Variants in RSRC1 observed in about 807,000 individuals in gnomAD.
The protein encoded by RSRC1 is serine/Arginine-related protein 53.
RSRC1 carries 39 observed loss-of-function variants against 49.1 expected under a neutral mutation model. The ratio of observed to expected loss-of-function variants is 0.79; its 90% CI spans 0.61 to 1.04. The LOEUF (loss-of-function observed/expected upper bound fraction) is 1.04, where lower values mean the gene tolerates loss of function less well. Among genes scored for constraint, RSRC1 ranks in the 50% least tolerant of loss-of-function variants. The pLI, the probability that RSRC1 is intolerant of heterozygous loss-of-function variation, is 0.00. For missense variants in RSRC1, 388 were observed against 402.4 expected (o/e 0.96, Z 0.31); for synonymous variants, 143 against 130.8 (o/e 1.09, Z -0.63).
chr3:158,311,509 A>G (rs1253125186), intron 5 of RSRC1, among the ~76,000 whole-genome samples: 6 of 151,972 alleles, frequency 3.9e-5, no homozygotes, highest in Admixed American at 3.9e-4. Context: ...AAACTGACAC[A>G]GAGAAAATTG....
At chr3:158,487,964 A>AAAAAAAAC (rs1738896459) in intron 7 of RSRC1, among the ~76,000 whole-genome samples, 1 of 148,152 alleles carries the variant, frequency 6.7e-6, no homozygotes, top group African/African-American at 2.5e-5. Context: ...AAAAAAAAAA[A>AAAAAAAAC]AAAAAAAAAA....
chr3:158,314,357 T>TGCTGGGA (rs1728296407), intron 5 of RSRC1, among the ~76,000 whole-genome samples: 3 of 151,854 alleles, frequency 2.0e-5, no homozygotes, highest in Non-Finnish European at 4.4e-5. Context: ...CCTCCCAGAG[T>TGCTGGGA]GCTGGGATTA....
intron 5 of RSRC1, among the ~76,000 whole-genome samples, chr3:158,354,530 T>C (rs2108238853): frequency 6.6e-6 from 1 of 152,338 alleles, no homozygotes; most frequent in Non-Finnish European, 1.5e-5. Context: ...CCTGTTTCTA[T>C]GTGCAAAGAA....
intron 6 of RSRC1, among the ~76,000 whole-genome samples, chr3:158,427,644 T>C (rs1401010539): frequency 1.3e-5 from 2 of 151,848 alleles, no homozygotes; most frequent in Non-Finnish European, 2.9e-5. Context: ...GGAAATTTAG[T>C]GTATATGAAT....
chr3:158,193,483 C>T (rs749906990), intron 3 of RSRC1, among the ~76,000 whole-genome samples: 1 of 151,964 alleles, frequency 6.6e-6, no homozygotes, highest in African/African-American at 2.4e-5. Flanking sequence ...TCTTTTGTTA[C>T]TCTGTATTTT....
At chr3:158,537,660 G>A (rs1203822779) in intron 8 of RSRC1, among the ~76,000 whole-genome samples, 1 of 151,612 alleles carries the variant, frequency 6.6e-6, no homozygotes, top group Non-Finnish European at 1.5e-5. Flanking sequence ...TGGTAAAGGA[G>A]CTTTGATTGA....
intron 1 of RSRC1, among the ~76,000 whole-genome samples, chr3:158,121,361 A>C (rs915315435): frequency 5.3e-5 from 8 of 152,048 alleles, no homozygotes; most frequent in African/African-American, 1.9e-4. Context: ...TATAGATATA[A>C]TATCTATTAT....
chr3:158,540,739 A>G (rs986122461), intron 8 of RSRC1, among the ~76,000 whole-genome samples: 1 of 152,094 alleles, frequency 6.6e-6, no homozygotes, highest in Non-Finnish European at 1.5e-5. Flanking sequence ...TTTTGCATTT[A>G]TCTAGTCCAG....
intron 5 of RSRC1, among the ~76,000 whole-genome samples, chr3:158,314,289 C>T (rs182514322): frequency 6.4e-4 from 97 of 152,194 alleles, no homozygotes; most frequent in African/African-American, 2.0e-3. Flanking sequence ...GACAGGGTTT[C>T]GCCATGTTGG....
chr3:158,398,948 T>C (rs1380815775), intron 6 of RSRC1, among the ~76,000 whole-genome samples: 1 of 151,958 alleles, frequency 6.6e-6, no homozygotes, highest in African/African-American at 2.4e-5. Context: ...TTTTTAAAAT[T>C]GCTACATATA....
At chr3:158,204,824 T>C (rs927894557) in intron 4 of RSRC1, among the ~76,000 whole-genome samples, 5 of 152,172 alleles carry the variant, frequency 3.3e-5, no homozygotes, top group Non-Finnish European at 5.9e-5. Flanking sequence ...CAAAGTTTAC[T>C]TTTTTAGAAT....
At chr3:158,469,032 C>T (rs1434982923) in intron 7 of RSRC1, among the ~76,000 whole-genome samples, 1 of 151,990 alleles carries the variant, frequency 6.6e-6, no homozygotes, top group African/African-American at 2.4e-5. Flanking sequence ...TCTTGTGTGT[C>T]CATTTCATTA....
At chr3:158,487,949 G>GGA (rs1553814781) in intron 7 of RSRC1, among the ~76,000 whole-genome samples, 13 of 28,920 alleles carry the variant, frequency 4.5e-4, no homozygotes, top group South Asian at 2.2e-3. Flanking sequence ...TCCATCTCAA[G>GGA]AAAAAAAAAA....
chr3:158,296,119 A>C (rs1727224638), intron 4 of RSRC1, among the ~76,000 whole-genome samples: 1 of 152,030 alleles, frequency 6.6e-6, no homozygotes, highest in African/African-American at 2.4e-5. Context: ...TTATACTTTG[A>C]ATCTGATCAT....
chr3:158,162,098 C>T (rs1718264056), intron 3 of RSRC1, among the ~76,000 whole-genome samples: 1 of 152,124 alleles, frequency 6.6e-6, no homozygotes, highest in African/African-American at 2.4e-5. Context: ...ATGACTTTAT[C>T]TGAATAATAG....
At chr3:158,321,941 T>G (rs1275952843) in intron 5 of RSRC1, among the ~76,000 whole-genome samples, 2 of 150,902 alleles carry the variant, frequency 1.3e-5, no homozygotes, top group East Asian at 3.9e-4. Flanking sequence ...CATATGTCTT[T>G]TAAAGAAATT....
At chr3:158,332,193 A>G (rs754365690) in intron 5 of RSRC1, among the ~76,000 whole-genome samples, 3 of 152,130 alleles carry the variant, frequency 2.0e-5, no homozygotes, top group Non-Finnish European at 4.4e-5. Context: ...TAAATTAGCA[A>G]TCAAGTTTCT....
intron 4 of RSRC1, among the ~76,000 whole-genome samples, chr3:158,249,249 C>T (rs1436161187): frequency 6.6e-6 from 1 of 152,140 alleles, no homozygotes. Context: ...AACTTATCCT[C>T]CATCACTCCT....
chr3:158,354,795 A>C, intron 5 of RSRC1, 62 bp from the exon 6 acceptor site: 1 of 1,222,524 alleles, frequency 8.2e-7, no homozygotes, highest in East Asian at 2.7e-5. Flanking sequence ...TTAAAACTCC[A>C]TCAATTAAAA....
Sources: allele counts gnomAD v4.1 joint callset (sites outside exome capture counted in the v4.1 genomes callset), GRCh38; gene constraint gnomAD v4.1.1; transcripts MANE v1.5; gene names NCBI Gene and HGNC (gene_info 2026-07-23, HGNC 2026-07-21).